Variants in PRSS35 observed in about 807,000 individuals in gnomAD.
The protein encoded by PRSS35 is serine protease 35.
In PRSS35, 7 loss-of-function variants were observed where a neutral mutation model predicts 8.1. The ratio of observed to expected loss-of-function variants is 0.86; its 90% CI spans 0.49 to 1.62. PRSS35 has a LOEUF of 1.62. Ranked by LOEUF, PRSS35 falls within the 40% of genes most tolerant of loss-of-function variation. The pLI is 0.00. For missense variants in PRSS35, 566 were observed against 518.0 expected (o/e 1.09, Z -0.90); for synonymous variants, 199 against 188.7 (o/e 1.05, Z -0.45).
chr6:83,524,106 A>G lies in PRSS35; in HGVS notation c.665A>G (p.His222Arg), dbSNP rs777920968. 23 of 1,613,956 alleles carry G rather than the reference A, an allele frequency of 1.4e-5. No homozygotes were observed. The highest frequency in any genetic ancestry group is 1.8e-5 in the Non-Finnish European group (21 of 1,179,950). ...GACCAAAGAGAGGGTACCAGAGAGC[A>G]TCTGCGGGAGAGAGCGAAGGGTGGG... ...GGDQREGTREHLRERAKGGRR... is the reference protein window; with the variant it reads ...GGDQREGTRERLRERAKGGRR... The change falls in exon 2 of 2, where the codon CAT (histidine) becomes CGT (arginine). Residue 222 changes from histidine to arginine, a missense_variant. His to Arg is a conservative substitution (Grantham distance 29). Transcript: ENST00000369700.
chr6:83,522,710 T>A (rs1289681433), intron 1 of PRSS35, among the ~76,000 whole-genome samples: 1 of 152,204 alleles, frequency 6.6e-6, no homozygotes, highest in African/African-American at 2.4e-5. Context: ...TTTTCTTACT[T>A]TAGCATAAAA....
At chr6:83,516,772 C>T (rs577010291) in intron 1 of PRSS35, among the ~76,000 whole-genome samples, 53 of 152,216 alleles carry the variant, frequency 3.5e-4, no homozygotes, top group African/African-American at 1.3e-3. Flanking sequence ...CATGATCCTG[C>T]ATTGCTCTGG....
intron 1 of PRSS35, among the ~76,000 whole-genome samples, chr6:83,516,406 C>T (rs912889833): frequency 6.6e-6 from 1 of 151,500 alleles, no homozygotes; most frequent in African/African-American, 2.4e-5. Context: ...CACCCCATCT[C>T]TACTAAAAAT....
At position 83,524,234 on chromosome 6, in the gene PRSS35, C is replaced by G. The variant is rs773975931; in HGVS notation, c.793C>G (p.Arg265Gly). ...TACCCACATTCCGAAGGGCTGGGCACGAGGAGGCATGGGGGACGCTACCTT... is the reference window on the plus strand; with the variant it reads ...TACCCACATTCCGAAGGGCTGGGCAGGAGGAGGCATGGGGGACGCTACCTT... ...KNTHIPKGWA[R>G]GGMGDATLDY... Residue 265 changes from arginine to glycine, a missense_variant, in exon 2 of 2, where the codon CGA (arginine) becomes GGA (glycine). Transcript: ENST00000369700. 9.9e-6 allele frequency: 16 copies of G among 1,614,062 alleles called. No individual in the cohort carries two copies. In the East Asian group the frequency reaches 3.3e-4, roughly 34 times the overall value.
intron 1 of PRSS35, among the ~76,000 whole-genome samples, 164 bp downstream of exon 1, chr6:83,512,858 C>A (rs957903992): frequency 2.0e-5 from 3 of 152,222 alleles, no homozygotes; most frequent in Non-Finnish European, 4.4e-5. Flanking sequence ...TTCCCATAGG[C>A]AATTCTGTGT....
chr6:83,519,266 C>CAT (rs1771776801), intron 1 of PRSS35, among the ~76,000 whole-genome samples: 1 of 152,142 alleles, frequency 6.6e-6, no homozygotes, highest in Non-Finnish European at 1.5e-5. Context: ...GGATCCAGCC[C>CAT]ATAATCAGCT....
intron 1 of PRSS35, among the ~76,000 whole-genome samples, chr6:83,514,029 G>A (rs1237779456): frequency 6.6e-6 from 1 of 152,108 alleles, no homozygotes; most frequent in East Asian, 1.9e-4. Flanking sequence ...GGAGAGGTTA[G>A]GAAACAGTAA....
chr6:83,518,373 T>A (rs1381693810), intron 1 of PRSS35, among the ~76,000 whole-genome samples: 1 of 152,180 alleles, frequency 6.6e-6, no homozygotes, highest in Non-Finnish European at 1.5e-5. Flanking sequence ...ACTCTGTTTC[T>A]TTTTAGGCTG....
rs1583460675 is a variant in PRSS35, at chr6:83,524,030, G to T, written c.589G>T (p.Gly197Cys). 10 of 1,614,124 alleles carry T rather than the reference G, an allele frequency of 6.2e-6. No individual in the cohort carries two copies. The highest frequency in any genetic ancestry group is 8.5e-6 in the Non-Finnish European group (10 of 1,180,036). ...GLLKMRNKSG[G>C]KKRRGSKRSR... Reference sequence around the variant, plus strand: ...GTTGAAGATGAGGAATAAAAGTGGAGGCAAGAAACGTCGAGGTTCTAAGAG... The same window carrying T: ...GTTGAAGATGAGGAATAAAAGTGGATGCAAGAAACGTCGAGGTTCTAAGAG... Residue 197 changes from glycine to cysteine, a missense_variant, in exon 2 of 2, where the codon GGC becomes TGC. Transcript: ENST00000369700.
rs774283117 is a variant in PRSS35, at chr6:83,524,282, G to C, written c.841G>C (p.Glu281Gln). The C allele has an allele frequency of 3.1e-6, 5 of 1,614,016 alleles. No homozygotes were observed. The highest frequency in any genetic ancestry group is 1.3e-5 in the African/African-American group (1 of 74,914). The change falls in exon 2 of 2, where the codon GAG (glutamate) becomes CAG (glutamine). Residue 281 changes from glutamate to glutamine, a missense_variant. Coordinates refer to ENST00000369700, the MANE Select transcript of PRSS35 (RefSeq NM_153362.3). Reference protein sequence around the residue: ...ATLDYDYALLELKRAHKKKYM... With the variant: ...ATLDYDYALLQLKRAHKKKYM... ...CTTGGACTATGACTATGCTCTTCTG[G>C]AGCTGAAGCGTGCTCACAAAAAGAA...
chr6:83,518,716 T>G (rs1771767986), intron 1 of PRSS35, among the ~76,000 whole-genome samples: 1 of 152,180 alleles, frequency 6.6e-6, no homozygotes, highest in Admixed American at 6.5e-5. Context: ...TAATTTTGGC[T>G]TATATAACAA....
intron 1 of PRSS35, among the ~76,000 whole-genome samples, chr6:83,515,978 C>T (rs1232547597): frequency 6.6e-6 from 1 of 151,956 alleles, no homozygotes; most frequent in Non-Finnish European, 1.5e-5. Context: ...GCATGCCTGG[C>T]TAATTTTTGT....
Position 83,524,707 on chromosome 6 carries a change from T to C in PRSS35, c.*24T>C. 8 of 1,573,154 alleles carry C rather than the reference T, an allele frequency of 5.1e-6. No homozygotes were observed. The highest frequency in any genetic ancestry group is 6.0e-6 in the Non-Finnish European group (7 of 1,161,664). ...AACAGAGACCTGAAACAGGGCGGTG[T>C]ATCATCTAAATCACAGAGAAAACCA... is the stretch of plus-strand genomic sequence containing the variant. On this transcript the variant is annotated 3_prime_UTR_variant, in exon 2 of 2. Transcript: ENST00000369700.
chr6:83,515,907 C>T (rs1771703905), intron 1 of PRSS35, among the ~76,000 whole-genome samples: 2 of 152,130 alleles, frequency 1.3e-5, no homozygotes, highest in African/African-American at 4.8e-5. Flanking sequence ...CCTCTGCCTC[C>T]CGGTTCAGGG....
chr6:83,523,146 T>G (rs879258304), intron 1 of PRSS35, among the ~76,000 whole-genome samples: 1 of 152,080 alleles, frequency 6.6e-6, no homozygotes, highest in Non-Finnish European at 1.5e-5. Context: ...ACGAGGCTAT[T>G]AGGGGAGATA....
Position 83,523,320 on chromosome 6 carries a change from C to T in PRSS35, c.-20-102C>T, listed in dbSNP as rs1408688190. 24 of 857,370 alleles carry T rather than the reference C, an allele frequency of 2.8e-5. No homozygotes were observed. The Admixed American group carries it at 6.5e-4, about 23-fold the overall frequency. The allele number at this position is 857,370 out of a possible 1,614,324, so 53.1% of individuals were successfully genotyped here. A position where few individuals can be genotyped will look rare whatever the true frequency, so the allele number is the denominator to read the frequency against. ...AGGTAAGGTGAAAATAAGGACACCT[C>T]TTTGTGGTGAAGGTACATTTAGGAT... On this transcript the variant is annotated intron_variant, in intron 1 of 1. Coordinates refer to ENST00000369700, the MANE Select transcript of PRSS35 (RefSeq NM_153362.3).
intron 1 of PRSS35, among the ~76,000 whole-genome samples, chr6:83,513,137 C>T (rs1771656246): frequency 6.6e-6 from 1 of 151,382 alleles, no homozygotes; most frequent in South Asian, 2.1e-4. Context: ...AATGAGGCGG[C>T]GAAATGAAGT....
intron 1 of PRSS35, among the ~76,000 whole-genome samples, chr6:83,516,844 C>T (rs187156521): frequency 6.6e-6 from 1 of 152,222 alleles, no homozygotes; most frequent in African/African-American, 2.4e-5. Flanking sequence ...CTTATATGAG[C>T]CCCTATGATT....
Position 83,523,880 on chromosome 6 carries a change from G to A in PRSS35, c.439G>A (p.Ala147Thr), listed in dbSNP as rs2127714057. The change falls in exon 2 of 2, where the codon GCT becomes ACT. Residue 147 changes from alanine (A) to threonine (T), a missense_variant. Physicochemically the swap from Ala to Thr is moderately conservative, Grantham distance 58. Transcript: ENST00000369700. ...CTTAACCAATTTCCCTTTCAGCACAGCTGTGAAGCTTTCCACGGGCTGTAG... is the reference window on the plus strand; with the variant it reads ...CTTAACCAATTTCCCTTTCAGCACAACTGTGAAGCTTTCCACGGGCTGTAG... ...RFLTNFPFST[A>T]VKLSTGCSGI... 2 of 1,614,192 alleles carry A rather than the reference G, an allele frequency of 1.2e-6. No homozygotes were observed. The highest frequency in any genetic ancestry group is 1.7e-6 in the Non-Finnish European group (2 of 1,180,038).
Sources: allele counts gnomAD v4.1 joint callset (sites outside exome capture counted in the v4.1 genomes callset), GRCh38; gene constraint gnomAD v4.1.1; transcripts MANE v1.5; gene names NCBI Gene and HGNC (gene_info 2026-07-23, HGNC 2026-07-21).